BICDL1: variants seen among roughly 807,000 people sequenced by gnomAD.
BICDL1 encodes BICD family like cargo adaptor 1.
Under a neutral mutation model 76.8 loss-of-function variants are expected in BICDL1, and 20 were observed. That is an observed-to-expected ratio of 0.26 (90% CI 0.18 to 0.38). The LOEUF is 0.38. BICDL1 is among the 10% of genes least tolerant of loss of function. The pLI is 1.00. For synonymous variants in BICDL1, 383 were observed against 337.1 expected, an observed-to-expected ratio of 1.14 and a Z score of -1.49; for missense variants, 700 against 798.6, an observed-to-expected ratio of 0.88 and a Z score of 1.49.
At chr12:120,017,990 T>C (rs1305687870) in intron 2 of BICDL1, among the ~76,000 whole-genome samples, 1 of 152,218 alleles carries the variant, frequency 6.6e-6, no homozygotes, top group Non-Finnish European at 1.5e-5. Flanking sequence ...GCTGTTTATA[T>C]CTACCCGTTT....
intron 2 of BICDL1, among the ~76,000 whole-genome samples, chr12:120,035,864 C>T (rs1952521821): frequency 6.6e-6 from 1 of 152,092 alleles, no homozygotes; most frequent in South Asian, 2.1e-4. Flanking sequence ...CATTCCTTTC[C>T]TTTGCTTTAT....
chr12:120,082,800 C>G (rs1344155653), intron 8 of BICDL1, among the ~76,000 whole-genome samples: 1 of 152,126 alleles, frequency 6.6e-6, no homozygotes, highest in African/African-American at 2.4e-5. Context: ...AACTCCTGGG[C>G]TCAAGTGATC....
chr12:119,994,407 T>G (rs564262009), intron 1 of BICDL1, among the ~76,000 whole-genome samples: 1 of 152,132 alleles, frequency 6.6e-6, no homozygotes, highest in Non-Finnish European at 1.5e-5. Flanking sequence ...TTTTTTTTTT[T>G]GGCAGAAATC....
intron 2 of BICDL1, among the ~76,000 whole-genome samples, chr12:120,033,367 C>CTTTTTTTTTTTTTTTTTTTTTTTGTTT (rs569302592): frequency 1.3e-5 from 1 of 77,624 alleles, no homozygotes; most frequent in Non-Finnish European, 2.2e-5. Flanking sequence ...GAGTTCTTGC[C>CTTTTTTTTTTTTTTTTTTTTTTTGTTT]TTTTTTTTTT....
intron 1 of BICDL1, among the ~76,000 whole-genome samples, chr12:119,995,385 C>T (rs966065430): frequency 1.3e-5 from 2 of 152,188 alleles, no homozygotes; most frequent in Non-Finnish European, 2.9e-5. Context: ...AATACAAGGA[C>T]TGAATAGACT....
At chr12:120,056,495 C>G (rs550451449) in intron 2 of BICDL1, among the ~76,000 whole-genome samples, 1 of 152,038 alleles carries the variant, frequency 6.6e-6, no homozygotes, top group Admixed American at 6.6e-5. Flanking sequence ...CCAAGGTGGG[C>G]GGATCACGAG....
chr12:120,061,564 A>G, intron 2 of BICDL1, 146 bp from the exon 3 acceptor site: 1 of 691,780 alleles, frequency 1.4e-6, no homozygotes, highest in Non-Finnish European at 2.6e-6. Context: ...GGACTAGAGA[A>G]CAAATGGATG....
Position 120,049,715 on chromosome 12 carries a change from TAAAC to T in BICDL1, c.646-11993_646-11990del, listed in dbSNP as rs141061778. Among the ~76,000 whole-genome samples the T allele has an allele frequency of 4.1e-4, 63 of 152,362 alleles. No individual in the cohort carries two copies. In the East Asian group the frequency reaches 6.9e-3, roughly 17 times the overall value. ...CTCTGTCCTTTCTGGAACTGCAGTT[TAAAC>T]ATATGGGGACTATACTAACGTAGTG... On this transcript the variant is annotated intron_variant, in intron 2 of 9. Transcript: ENST00000548673.
chr12:119,998,743 C>A lies in BICDL1; in HGVS notation c.645+7C>A. The A allele has an allele frequency of 6.2e-7, 1 of 1,610,986 alleles. No individual in the cohort carries two copies. Among genetic ancestry groups the A allele is most frequent in the South Asian group, 1.1e-5 (1 of 90,638 alleles). On this transcript the variant is annotated splice_region_variant and intron_variant, in intron 2 of 9. Coordinates refer to ENST00000548673, the MANE Select transcript of BICDL1 (RefSeq NM_001367886.1). Reference sequence around the variant, plus strand: ...ATTGGATCAGCTCAGCAGGGTGAGTCACAAATTAAGAATTTAAGATGTAAA... The same window carrying A: ...ATTGGATCAGCTCAGCAGGGTGAGTAACAAATTAAGAATTTAAGATGTAAA...
chr12:120,060,655 G>A (rs1255554928), intron 2 of BICDL1, among the ~76,000 whole-genome samples: 1 of 152,162 alleles, frequency 6.6e-6, no homozygotes, highest in African/African-American at 2.4e-5. Flanking sequence ...AGCACTGTAG[G>A]TTGAGAATCT....
chr12:119,999,062 G>GA (rs10658480), intron 2 of BICDL1, among the ~76,000 whole-genome samples: 5,865 of 95,106 alleles, frequency 0.062, 369 homozygotes, highest in African/African-American at 0.15. Context: ...GCCTGTCTCG[G>GA]AAAAAAAAAA....
At chr12:120,073,942 C>T (rs187074155) in intron 6 of BICDL1, among the ~76,000 whole-genome samples, 185 of 152,200 alleles carry the variant, frequency 1.2e-3, no homozygotes, top group African/African-American at 3.8e-3. Context: ...TTTTTTGAGA[C>T]GGAGTCTCGC....
At position 120,004,897 on chromosome 12, in the gene BICDL1, C is replaced by T. The variant is rs183370728; in HGVS notation, c.645+6161C>T. ...AGTGCAATGGCACGATCTCAGCTCA[C>T]TGCAGCCTCAGCCTCCCAGGTTCAA... On this transcript the variant is annotated intron_variant, in intron 2 of 9. Transcript: ENST00000548673. 1.4e-3 allele frequency among the ~76,000 whole-genome samples: 219 copies of T among 152,316 alleles called. 4 individuals carry two copies. The Middle Eastern group carries it at 0.037, about 26-fold the overall frequency.
At chr12:119,990,730 C>G (rs1032859845) in intron 1 of BICDL1, among the ~76,000 whole-genome samples, 4 of 152,126 alleles carry the variant, frequency 2.6e-5, no homozygotes, top group Non-Finnish European at 4.4e-5. Context: ...CTTTAGATGC[C>G]CTTGTCTTAA....
Position 119,989,914 on chromosome 12 carries a change from G to T in BICDL1, c.46G>T (p.Ala16Ser), listed in dbSNP as rs1346405433. The T allele has an allele frequency of 1.4e-6, 2 of 1,458,944 alleles. No individual in the cohort carries two copies. Among genetic ancestry groups the T allele is most frequent in the East Asian group, 2.9e-5 (1 of 34,518 alleles). The allele number at this position is 1,458,944 out of a possible 1,614,324, so 90.4% of individuals were successfully genotyped here. The change falls in exon 1 of 10, where the codon GCC becomes TCC. Residue 16 changes from alanine (A) to serine (S), a missense_variant. Transcript: ENST00000548673. The stretch of plus-strand genomic sequence containing the variant: ...CTTGGTCGGCCGCGCTTCAGCACCC[G>T]CCGAGCCGGACAGCGCCTGCTGCAT... ...LGLVGRASAP[A>S]EPDSACCMEL...
At chr12:120,087,295 G>A (rs966208121) in intron 8 of BICDL1, among the ~76,000 whole-genome samples, 5 of 152,346 alleles carry the variant, frequency 3.3e-5, no homozygotes, top group African/African-American at 1.2e-4. Context: ...GGGCTGACGC[G>A]GTGGCTGAGC....
At chr12:120,033,367 C>CT (rs569302592) in intron 2 of BICDL1, among the ~76,000 whole-genome samples, 2,475 of 77,560 alleles carry the variant, frequency 0.032, 169 homozygotes, top group East Asian at 0.044. Context: ...GAGTTCTTGC[C>CT]TTTTTTTTTT....
chr12:120,022,579 G>A (rs1240238655), intron 2 of BICDL1, among the ~76,000 whole-genome samples: 1 of 151,464 alleles, frequency 6.6e-6, no homozygotes, highest in African/African-American at 2.4e-5. Context: ...GCTTTATAAG[G>A]TATATTGGGG....
intron 1 of BICDL1, among the ~76,000 whole-genome samples, chr12:119,997,985 A>G (rs1226473904): frequency 6.6e-6 from 1 of 152,122 alleles, no homozygotes; most frequent in Non-Finnish European, 1.5e-5. Flanking sequence ...GTCATGGCGC[A>G]TTCCTGTAAT....
Sources: gnomAD v4.1 joint callset for allele counts (sites outside exome capture counted in the v4.1 genomes callset) on GRCh38, gnomAD v4.1.1 for gene constraint, MANE v1.5 for transcripts, NCBI Gene and HGNC (gene_info 2026-07-23, HGNC 2026-07-21) for gene names.